The following IPO11 variants were observed in gnomAD, a reference collection of about 807,000 sequenced individuals.
IPO11 encodes importin-11.
In IPO11, 66 loss-of-function variants were observed where a neutral mutation model predicts 143.2. The observed-to-expected ratio is 0.46, with a 90% CI of 0.38 to 0.57. The LOEUF is 0.57. Among genes scored for constraint, IPO11 ranks in the 20% least tolerant of loss-of-function variants. IPO11 has a pLI of 0.00. For missense variants in IPO11, 1,026 were observed against 1,141.0 expected (o/e 0.90, Z 1.45); for synonymous variants, 385 against 377.8 (o/e 1.02, Z -0.22).
intron 27 of IPO11, among the ~76,000 whole-genome samples, chr5:62,586,021 A>G (rs1744757476): frequency 6.6e-6 from 1 of 152,112 alleles, no homozygotes; most frequent in Non-Finnish European, 1.5e-5. Context: ...TTGGGGAGGC[A>G]CTCATAAGTT....
intron 21 of IPO11, among the ~76,000 whole-genome samples, chr5:62,527,230 C>A (rs932667920): frequency 1.3e-5 from 2 of 152,144 alleles, no homozygotes; most frequent in Non-Finnish European, 2.9e-5. Flanking sequence ...TATTCAAACA[C>A]TTATATTTGT....
At chr5:62,470,030 A>G (rs1745713192) in intron 6 of IPO11, among the ~76,000 whole-genome samples, 1 of 152,202 alleles carries the variant, frequency 6.6e-6, no homozygotes, top group African/African-American at 2.4e-5. Context: ...AAACATGAGT[A>G]GTAACAATAA....
At position 62,501,402 on chromosome 5, in the gene IPO11, C is replaced by T. The variant is rs374897813; in HGVS notation, c.1591-3265C>T. Reference sequence around the variant, plus strand: ...TGTTTGAGACATCAAAATATTAGACCTATCTAAAACCAAGAAGAAAGGAAA... The same window carrying T: ...TGTTTGAGACATCAAAATATTAGACTTATCTAAAACCAAGAAGAAAGGAAA... On this transcript the variant is annotated intron_variant, in intron 16 of 29. Transcript: ENST00000325324. 4.0e-4 allele frequency among the ~76,000 whole-genome samples: 61 copies of T among 152,160 alleles called. No homozygotes were observed. The East Asian group carries it at 9.4e-3, about 24-fold the overall frequency.
intron 27 of IPO11, among the ~76,000 whole-genome samples, chr5:62,576,490 A>G (rs1172105803): frequency 3.9e-5 from 6 of 152,182 alleles, no homozygotes; most frequent in Non-Finnish European, 7.3e-5. Flanking sequence ...TATAGATGGT[A>G]TATATCTAAA....
At chr5:62,523,916 C>A (rs1742282757) in intron 20 of IPO11, among the ~76,000 whole-genome samples, 1 of 125,138 alleles carries the variant, frequency 8.0e-6, no homozygotes, top group African/African-American at 2.9e-5. Context: ...TTTTTTTAAA[C>A]TTTTCTTCTG....
intron 23 of IPO11, among the ~76,000 whole-genome samples, 200 bp downstream of exon 23, chr5:62,536,981 C>T (rs1466926275): frequency 6.6e-6 from 1 of 152,000 alleles, no homozygotes; most frequent in Non-Finnish European, 1.5e-5. Context: ...TGTGCTATGT[C>T]AACAAATTTT....
chr5:62,432,522 G>C (rs1466182867), intron 1 of IPO11, among the ~76,000 whole-genome samples: 1 of 152,232 alleles, frequency 6.6e-6, no homozygotes, highest in Non-Finnish European at 1.5e-5. Context: ...TTGTGGGGTA[G>C]GGCTGGGTTT....
intron 1 of IPO11, among the ~76,000 whole-genome samples, chr5:62,414,779 AGATGCACT>A (rs1743229866): frequency 6.6e-6 from 1 of 152,214 alleles, no homozygotes; most frequent in African/African-American, 2.4e-5. Flanking sequence ...ATAAATCTTG[AGATGCACT>A]ACTTTGGTTG....
At chr5:62,582,783 A>C (rs912841368) in intron 27 of IPO11, among the ~76,000 whole-genome samples, 24 of 152,312 alleles carry the variant, frequency 1.6e-4, no homozygotes, top group Admixed American at 3.9e-4. Flanking sequence ...TTATTAGCAA[A>C]AATTTGTACT....
chr5:62,591,838 CTTGGTATCACCTTATTTATTTATTTA>C (rs1745033528), intron 28 of IPO11, among the ~76,000 whole-genome samples, 166 bp downstream of exon 28: 1 of 152,010 alleles, frequency 6.6e-6, no homozygotes, highest in African/African-American at 2.4e-5. Context: ...ATTGTTTGAT[CTTGGTATCACCTTATTTATTTATTTA>C]TTGAGACGGA....
chr5:62,551,098 A>G, intron 25 of IPO11, 125 bp from the exon 26 acceptor site: 2 of 530,684 alleles, frequency 3.8e-6, no homozygotes, highest in Non-Finnish European at 6.8e-6. Context: ...TTGATAGTTC[A>G]TTCTAAAGAG....
chr5:62,467,082 C>G, intron 5 of IPO11, 49 bp from the exon 6 acceptor site: 1 of 1,504,960 alleles, frequency 6.6e-7, no homozygotes, highest in South Asian at 1.3e-5. Flanking sequence ...TAATGTATTA[C>G]TGAAATGTAT....
At chr5:62,442,509 C>G (rs1413586439) in intron 2 of IPO11, among the ~76,000 whole-genome samples, 2 of 152,098 alleles carry the variant, frequency 1.3e-5, no homozygotes, top group African/African-American at 4.8e-5. Flanking sequence ...ACTATATATA[C>G]TTCATAAATA....
chr5:62,554,709 A>G (rs1743512126), intron 26 of IPO11, among the ~76,000 whole-genome samples: 1 of 103,824 alleles, frequency 9.6e-6, no homozygotes, highest in South Asian at 3.2e-4. Flanking sequence ...ACAGACACAC[A>G]CTTTTTTGGG....
At chr5:62,501,631 T>C (rs1160233128) in intron 16 of IPO11, among the ~76,000 whole-genome samples, 1 of 152,188 alleles carries the variant, frequency 6.6e-6, no homozygotes. Flanking sequence ...CTTATTCATA[T>C]AACATTTCAG....
Position 62,555,333 on chromosome 5 carries a change from GAGAC to G in IPO11, c.2460+4001_2460+4004del, listed in dbSNP as rs1743535785. ...TTGCTGTTTTATTTAAAAATTTTGA[GAGAC>G]AGAGTCTCACTCCATCATCCAGGCT... On this transcript the variant is annotated intron_variant, in intron 26 of 29. Coordinates refer to ENST00000325324, the MANE Select transcript of IPO11 (RefSeq NM_016338.5). Among the ~76,000 whole-genome samples the G allele has an allele frequency of 6.6e-5, 10 of 150,444 alleles. 1 individual carries two copies. The South Asian group carries it at 2.1e-3, about 32-fold the overall frequency.
intron 28 of IPO11, among the ~76,000 whole-genome samples, chr5:62,596,379 C>G (rs1223651184): frequency 6.6e-6 from 1 of 151,104 alleles, no homozygotes; most frequent in Non-Finnish European, 1.5e-5. Context: ...ACAAAACATA[C>G]CAAGTATAAA....
At position 62,619,966 on chromosome 5, in the gene IPO11, A is replaced by G. The variant is rs1429680381; in HGVS notation, c.2764-7188A>G. On this transcript the variant is annotated intron_variant, in intron 29 of 29. Coordinates refer to ENST00000325324, the MANE Select transcript of IPO11 (RefSeq NM_016338.5). The stretch of plus-strand genomic sequence containing the variant: ...CTCTGGAATCTCAACTTAATGTAAT[A>G]GTTTATTGCTCAGGAAAAACACAAG... 5.3e-5 allele frequency among the ~76,000 whole-genome samples: 8 copies of G among 152,232 alleles called. No individual in the cohort carries two copies. The South Asian group carries it at 1.7e-3, about 31-fold the overall frequency.
intron 20 of IPO11, among the ~76,000 whole-genome samples, chr5:62,520,881 G>T (rs959056259): frequency 3.9e-5 from 6 of 152,194 alleles, no homozygotes; most frequent in Admixed American, 6.5e-5. Context: ...TAATGGGATG[G>T]CTGGGCCAAA....
Sources: allele counts gnomAD v4.1 joint callset (sites outside exome capture counted in the v4.1 genomes callset), GRCh38; gene constraint gnomAD v4.1.1; transcripts MANE v1.5; gene names NCBI Gene and HGNC (gene_info 2026-07-23, HGNC 2026-07-21).